PKHD1L1: variants seen among roughly 807,000 people sequenced by gnomAD.
The protein encoded by PKHD1L1 is PKHD1 like 1.
A neutral mutation model predicts 462.9 loss-of-function variants in PKHD1L1; 434 were observed. The observed-to-expected ratio is 0.94, with a 90% CI of 0.87 to 1.02. PKHD1L1 has a LOEUF of 1.02. PKHD1L1 is among the 50% of genes least tolerant of loss of function. The probability of loss-of-function intolerance (pLI) is 0.00; values close to 1 mark genes in which losing one functional copy is unlikely to be tolerated. For missense variants in PKHD1L1, 5,202 were observed against 5,096.1 expected (o/e 1.02, Z -0.63); for synonymous variants, 1,781 against 1,750.0 (o/e 1.02, Z -0.44).
chr8:109,522,654 G>T, intron 74 of PKHD1L1, 90 bp from the exon 75 acceptor site: 2 of 1,241,368 alleles, frequency 1.6e-6, no homozygotes, highest in Non-Finnish European at 2.2e-6. Context: ...AATAAATAAT[G>T]AATATTTTAT....
At chr8:109,511,476 A>C (rs1313112388) in intron 71 of PKHD1L1, among the ~76,000 whole-genome samples, 1 of 151,482 alleles carries the variant, frequency 6.6e-6, no homozygotes, top group African/African-American at 2.4e-5. Context: ...TAGTTTACTG[A>C]GAATGATGAT....
intron 62 of PKHD1L1, 68 bp from the exon 63 acceptor site, chr8:109,493,593 C>A: frequency 9.9e-7 from 1 of 1,011,734 alleles, no homozygotes; most frequent in African/African-American, 1.6e-5. Context: ...TTGTCATATA[C>A]TTACTCTCGA....
chr8:109,504,453 C>T lies in PKHD1L1; in HGVS notation c.10955C>T (p.Thr3652Ile). 1.3e-6 allele frequency: 2 copies of T among 1,546,938 alleles called. No individual in the cohort carries two copies. Among genetic ancestry groups the T allele is most frequent in the Non-Finnish European group, 1.7e-6 (2 of 1,143,854 alleles). ...HVKNIKLVDT[T>I]EQSKIFIHRP... ...AAGAATATAAAACTGGTTGATACCA[C>T]TGAACAATCAAAAATATTTATACAT... The change falls in exon 68 of 78, where the codon ACT becomes ATT. Residue 3652 changes from threonine (T) to isoleucine (I), a missense_variant. Physicochemically the swap from Thr to Ile is moderately conservative, Grantham distance 89. Transcript: ENST00000378402.
intron 2 of PKHD1L1, among the ~76,000 whole-genome samples, chr8:109,371,098 G>C (rs1295693768): frequency 6.6e-5 from 10 of 152,150 alleles, no homozygotes; most frequent in Admixed American, 3.9e-4. Flanking sequence ...CGCAATGGTT[G>C]AACTAGTTTA....
intron 22 of PKHD1L1, 142 bp downstream of exon 22, chr8:109,419,402 GATTTT>G (rs1814352797): frequency 1.6e-6 from 1 of 622,634 alleles, no homozygotes; most frequent in South Asian, 4.0e-5. Context: ...ATAATATTAT[GATTTT>G]ATTTTGTAAT....
At chr8:109,500,527 A>G (rs1342911909) in intron 67 of PKHD1L1, among the ~76,000 whole-genome samples, 1 of 135,122 alleles carries the variant, frequency 7.4e-6, no homozygotes, top group African/African-American at 2.8e-5. Flanking sequence ...ATACAAAAAA[A>G]AAAAAAAAAA....
rs771312482 is a variant in PKHD1L1, at chr8:109,452,844, AC to A, written c.6638del (p.Pro2213LeufsTer3). 2.0e-6 allele frequency: 3 copies of A among 1,502,474 alleles called. No homozygotes were observed. The highest frequency in any genetic ancestry group is 5.0e-5 in the East Asian group (2 of 39,886). The allele number at this position is 1,502,474 out of a possible 1,614,324, so 93.1% of individuals were successfully genotyped here. ...ACAGACCATTCTGCTGGATCAAAGC[AC>A]CCCTATTTTGAAAATGTTGCTTATT... Reference protein sequence around the residue: ...KGQTILLDQSTPILKMLLIQG... With the variant: ...KGQTILLDQSXPILKMLLIQG... On this transcript the variant is annotated frameshift_variant, in exon 43 of 78. Transcript: ENST00000378402. LOFTEE classifies it high-confidence loss of function.
intron 61 of PKHD1L1, 42 bp downstream of exon 61, chr8:109,491,143 A>T (rs1236852459): frequency 6.4e-7 from 1 of 1,568,430 alleles, no homozygotes; most frequent in East Asian, 2.3e-5. Flanking sequence ...CATCCTGTGG[A>T]GGCTTTCTTA....
At chr8:109,491,792 A>G in intron 61 of PKHD1L1, 81 bp from the exon 62 acceptor site, 1 of 1,267,202 alleles carries the variant, frequency 7.9e-7, no homozygotes, top group South Asian at 1.7e-5. Context: ...GGAAAAATCA[A>G]AAGACATTAC....
intron 71 of PKHD1L1, among the ~76,000 whole-genome samples, chr8:109,513,058 C>A (rs1406568346): frequency 4.6e-5 from 7 of 151,450 alleles, no homozygotes; most frequent in Non-Finnish European, 5.9e-5. Context: ...TATCCTGAGA[C>A]TTTGCTGAAG....
intron 21 of PKHD1L1, among the ~76,000 whole-genome samples, chr8:109,415,119 T>TC (rs1289870760): frequency 2.6e-5 from 4 of 151,440 alleles, no homozygotes; most frequent in African/African-American, 9.7e-5. Context: ...CACCCCAGCC[T>TC]CCCCCCACAA....
At chr8:109,369,592 G>T (rs140427480) in intron 2 of PKHD1L1, among the ~76,000 whole-genome samples, 1 of 151,482 alleles carries the variant, frequency 6.6e-6, no homozygotes, top group East Asian at 1.9e-4. Flanking sequence ...TCCATGTTAC[G>T]TATCATTGAC....
rs1812309315 is a variant in PKHD1L1 at position 109,384,128 on chromosome 8, GTCTGTTATATGACA to G, written c.475+6_475+19del. The G allele has an allele frequency of 6.2e-7, 1 of 1,605,100 alleles. No individual in the cohort carries two copies. Among genetic ancestry groups the G allele is most frequent in the African/African-American group, 1.3e-5 (1 of 74,672 alleles). On this transcript the variant is annotated splice_donor_variant and splice_donor_5th_base_variant and intron_variant, in intron 5 of 77. Coordinates refer to ENST00000378402, the MANE Select transcript of PKHD1L1 (RefSeq NM_177531.6). LOFTEE classifies it high-confidence loss of function. ...ATCACACCTTTATCTGGAACTCCAG[GTCTGTTATATGACA>G]TCTGAAATAACTTTTGGTTTCATGG...
intron 4 of PKHD1L1, among the ~76,000 whole-genome samples, chr8:109,383,156 T>TAA (rs1491362387): frequency 0.011 from 630 of 55,808 alleles, 3 homozygotes; most frequent in South Asian, 0.043. Flanking sequence ...ATTATATATA[T>TAA]TTATATATAA....
rs540413319 is a variant in PKHD1L1 at position 109,497,342 on chromosome 8, T to A, written c.10599+70T>A. 4.0e-6 allele frequency: 6 copies of A among 1,502,146 alleles called. No individual in the cohort carries two copies. In the South Asian group the frequency reaches 7.3e-5, roughly 18 times the overall value. The allele number at this position is 1,502,146 out of a possible 1,614,324, so 93.1% of individuals were successfully genotyped here. A position where few individuals can be genotyped will look rare whatever the true frequency, so the allele number is the denominator to read the frequency against. The stretch of plus-strand genomic sequence containing the variant: ...GAGAAGGGTGGAATTTCTGAAGGAC[T>A]AATAAGAATAATCTCCTTAACTTCT... On this transcript the variant is annotated intron_variant, in intron 65 of 77. Transcript: ENST00000378402.
Position 109,443,105 on chromosome 8 carries a change from C to A in PKHD1L1, c.4553C>A (p.Thr1518Lys), listed in dbSNP as rs201167573. ...CTGTTTGTGGGTCGCTCTGAAGCCA[C>A]ATATGCTTATGGTAAGATGGTTAAA... is the stretch of plus-strand genomic sequence containing the variant. ...LHLFVGRSEA[T>K]YAYGGPENLH... is the part of the protein sequence containing the mutation. Residue 1518 changes from threonine (T) to lysine (K), a missense_variant, in exon 36 of 78, where the codon ACA (threonine) becomes AAA (lysine). This residue lies in a region of PKHD1L1 where 4,497 missense variants were observed against 4,336.8 expected (regional missense o/e 1.04). Coordinates refer to ENST00000378402, the MANE Select transcript of PKHD1L1 (RefSeq NM_177531.6). The A allele has an allele frequency of 1.8e-4, 291 of 1,613,292 alleles. No homozygotes were observed. The highest frequency in any genetic ancestry group is 1.7e-3 in the Middle Eastern group (10 of 6,060).
intron 9 of PKHD1L1, among the ~76,000 whole-genome samples, chr8:109,392,986 T>A (rs1812783953): frequency 6.6e-6 from 1 of 152,150 alleles, no homozygotes; most frequent in Non-Finnish European, 1.5e-5. Context: ...CTCAGTGTCA[T>A]CCAAAATAAA....
At chr8:109,454,278 C>A in intron 44 of PKHD1L1, 32 bp downstream of exon 44, 1 of 1,440,682 alleles carries the variant, frequency 6.9e-7, no homozygotes, top group Non-Finnish European at 9.5e-7. Flanking sequence ...ATATTCATTT[C>A]CAACCTGTCT....
chr8:109,372,987 C>G (rs1319434755), intron 2 of PKHD1L1, among the ~76,000 whole-genome samples: 1 of 151,978 alleles, frequency 6.6e-6, no homozygotes, highest in Non-Finnish European at 1.5e-5. Context: ...GCATCTCTGC[C>G]CAGCTTTGGT....
Sources: gnomAD v4.1 joint callset for allele counts (sites outside exome capture counted in the v4.1 genomes callset) on GRCh38, gnomAD v4.1.1 for gene constraint, gnomAD v4.1.1 regional missense constraint, MANE v1.5 for transcripts, NCBI Gene and HGNC (gene_info 2026-07-23, HGNC 2026-07-21) for gene names.